CTIF: variants seen among roughly 807,000 people sequenced by gnomAD.
The protein encoded by CTIF is cap binding complex dependent translation initiation factor, also known as CBP80/20-dependent translation initiation factor.
Under a neutral mutation model 66.0 loss-of-function variants are expected in CTIF, and 21 were observed. The ratio of observed to expected loss-of-function variants is 0.32; its 90% CI spans 0.23 to 0.46. The LOEUF (loss-of-function observed/expected upper bound fraction) is 0.46. Ranked by LOEUF, CTIF falls within the 20% of genes least tolerant of loss-of-function variation. The pLI is 1.00. For missense variants in CTIF, 739 were observed against 812.7 expected (o/e 0.91, Z 1.10); for synonymous variants, 345 against 326.4 (o/e 1.06, Z -0.62).
chr18:48,854,286 G>A (rs914215489), intron 10 of CTIF, among the ~76,000 whole-genome samples: 2 of 152,114 alleles, frequency 1.3e-5, no homozygotes, highest in Non-Finnish European at 1.5e-5. Context: ...GGAACAGCTG[G>A]GAAGTGACCC....
intron 1 of CTIF, among the ~76,000 whole-genome samples, chr18:48,585,998 T>G (rs570553910): frequency 2.0e-5 from 3 of 152,194 alleles, no homozygotes; most frequent in African/African-American, 7.2e-5. Flanking sequence ...TGTGTTGTGA[T>G]GGTGGCGATG....
intron 7 of CTIF, among the ~76,000 whole-genome samples, chr18:48,721,653 C>T (rs2092336973): frequency 6.6e-6 from 1 of 152,232 alleles, no homozygotes; most frequent in Non-Finnish European, 1.5e-5. Context: ...CACCATTGTG[C>T]AGACTACAGG....
At chr18:48,621,666 C>CTGAG in intron 2 of CTIF, 2 of 305,820 alleles carry the variant, frequency 6.5e-6, no homozygotes, top group Non-Finnish European at 6.3e-6. Flanking sequence ...GAATGGCTGA[C>CTGAG]TGAGCAGGGG....
chr18:48,575,851 A>G (rs80027671), intron 1 of CTIF, among the ~76,000 whole-genome samples: 6,016 of 152,348 alleles, frequency 0.039, 401 homozygotes, highest in African/African-American at 0.13. Context: ...TCTCTCTCCA[A>G]GGTAAACTGT....
chr18:48,628,194 G>A (rs972219216), intron 2 of CTIF, among the ~76,000 whole-genome samples: 1 of 152,182 alleles, frequency 6.6e-6, no homozygotes, highest in Non-Finnish European at 1.5e-5. Context: ...GGGGGCAAAG[G>A]TCAAGAGTCC....
At chr18:48,763,739 C>T (rs749595775) in intron 9 of CTIF, among the ~76,000 whole-genome samples, 14 of 152,146 alleles carry the variant, frequency 9.2e-5, no homozygotes, top group South Asian at 2.1e-4. Context: ...CATCAGTGTA[C>T]CCTCGATTTT....
intron 9 of CTIF, among the ~76,000 whole-genome samples, chr18:48,791,178 T>G (rs2067785758): frequency 6.6e-6 from 1 of 152,158 alleles, no homozygotes; most frequent in Admixed American, 6.5e-5. Context: ...CTCCCAGGCC[T>G]CCTGCATGCT....
intron 9 of CTIF, among the ~76,000 whole-genome samples, chr18:48,811,131 A>AT (rs2068250742): frequency 6.6e-6 from 1 of 152,182 alleles, no homozygotes; most frequent in Admixed American, 6.5e-5. Flanking sequence ...AATCTCTAGT[A>AT]ATTTAATCTT....
At chr18:48,648,399 C>T (rs1333544021) in intron 3 of CTIF, among the ~76,000 whole-genome samples, 1 of 152,064 alleles carries the variant, frequency 6.6e-6, no homozygotes, top group East Asian at 1.9e-4. Flanking sequence ...TGTTCTCCTG[C>T]TTCAAAGGCC....
At chr18:48,800,412 C>T (rs1183227321) in intron 9 of CTIF, among the ~76,000 whole-genome samples, 2 of 152,252 alleles carry the variant, frequency 1.3e-5, no homozygotes, top group African/African-American at 4.8e-5. Context: ...CCAGCCGGAA[C>T]ATCTGCCCCC....
chr18:48,774,559 G>A (rs1160058684), intron 9 of CTIF, among the ~76,000 whole-genome samples: 3 of 152,144 alleles, frequency 2.0e-5, no homozygotes, highest in Non-Finnish European at 2.9e-5. Context: ...AGGTCCCAGA[G>A]TGAGAGAAGC....
chr18:48,641,942 C>A (rs1386777059), intron 3 of CTIF, among the ~76,000 whole-genome samples: 1 of 152,198 alleles, frequency 6.6e-6, no homozygotes, highest in Admixed American at 6.5e-5. Flanking sequence ...CCTCTGGCCC[C>A]AGAAAAAGAT....
chr18:48,623,846 A>AGGAT lies in CTIF; in HGVS notation c.180+4128_180+4131dup, dbSNP rs529662129. On this transcript the variant is annotated intron_variant, in intron 2 of 11. Coordinates refer to ENST00000256413, the MANE Select transcript of CTIF (RefSeq NM_014772.3). ...CCCAGTAACAACTAGAAAGAAATGA[A>AGGAT]GGATGGATGGATGGATGGATGGATG... 2.4e-3 allele frequency among the ~76,000 whole-genome samples: 361 copies of AGGAT among 150,840 alleles called. 2 individuals carry two copies. The highest frequency in any genetic ancestry group is 0.011 in the East Asian group (58 of 5,140).
intron 9 of CTIF, among the ~76,000 whole-genome samples, chr18:48,809,624 A>G (rs933463762): frequency 3.3e-5 from 5 of 152,256 alleles, no homozygotes; most frequent in African/African-American, 1.2e-4. Context: ...AAAGGAAAGC[A>G]GTTACCTAAT....
At chr18:48,683,804 C>A (rs1316853290) in intron 6 of CTIF, among the ~76,000 whole-genome samples, 1 of 152,146 alleles carries the variant, frequency 6.6e-6, no homozygotes, top group Non-Finnish European at 1.5e-5. Context: ...TGGCCGGGAT[C>A]CAGGGAGGGT....
chr18:48,736,162 A>T (rs936848593), intron 7 of CTIF, among the ~76,000 whole-genome samples: 2 of 152,222 alleles, frequency 1.3e-5, no homozygotes, highest in African/African-American at 4.8e-5. Flanking sequence ...AGACCTGGTC[A>T]GTGCAGAAAG....
At chr18:48,676,018 C>T (rs2091623126) in intron 6 of CTIF, among the ~76,000 whole-genome samples, 1 of 152,178 alleles carries the variant, frequency 6.6e-6, no homozygotes, top group Non-Finnish European at 1.5e-5. Flanking sequence ...TGAGACCACC[C>T]CCCGGCACCC....
chr18:48,776,484 G>T lies in CTIF; in HGVS notation c.1371+14795G>T, dbSNP rs559552814. On this transcript the variant is annotated intron_variant, in intron 9 of 11. Coordinates refer to ENST00000256413, the MANE Select transcript of CTIF (RefSeq NM_014772.3). ...TTTCACCTCACTCCCCTCTGCAGAA[G>T]CCCCTTTTCCTCCCCTCCCTCAAGT... 1.6e-3 allele frequency among the ~76,000 whole-genome samples: 240 copies of T among 152,358 alleles called. 2 individuals are homozygous for T. The highest frequency in any genetic ancestry group is 5.6e-3 in the African/African-American group (234 of 41,588).
chr18:48,742,486 C>A (rs1481789837), intron 7 of CTIF, among the ~76,000 whole-genome samples: 2 of 152,260 alleles, frequency 1.3e-5, no homozygotes, highest in Non-Finnish European at 2.9e-5. Context: ...GAGGAGGCAC[C>A]TTCTGCATTC....
Sources: gnomAD v4.1 joint callset for allele counts (sites outside exome capture counted in the v4.1 genomes callset) on GRCh38, gnomAD v4.1.1 for gene constraint, MANE v1.5 for transcripts, NCBI Gene and HGNC (gene_info 2026-07-23, HGNC 2026-07-21) for gene names.